PTPRT: variants seen among roughly 807,000 people sequenced by gnomAD.
PTPRT encodes the protein protein tyrosine phosphatase receptor type T, also known as receptor-type tyrosine-protein phosphatase T.
In PTPRT, 56 loss-of-function variants were observed where a neutral mutation model predicts 176.8. That is an observed-to-expected ratio of 0.32 (90% CI 0.26 to 0.40). The LOEUF (loss-of-function observed/expected upper bound fraction) is 0.40, where lower values mean the gene tolerates loss of function less well. PTPRT is among the 10% of genes least tolerant of loss of function. The pLI is 1.00. For synonymous variants in PTPRT, 783 were observed against 739.0 expected, an observed-to-expected ratio of 1.06 and a Z score of -0.96; for missense variants, 1,540 against 1,908.2, an observed-to-expected ratio of 0.81 and a Z score of 3.60.
intron 6 of PTPRT, among the ~76,000 whole-genome samples, chr20:42,731,435 C>T (rs997457367): frequency 1.9e-4 from 29 of 152,264 alleles, no homozygotes; most frequent in Admixed American, 1.9e-3. Flanking sequence ...TTCTCTTTCA[C>T]AAACACAGGC....
At chr20:42,689,819 G>A (rs923019004) in intron 6 of PTPRT, among the ~76,000 whole-genome samples, 12 of 152,230 alleles carry the variant, frequency 7.9e-5, no homozygotes, top group African/African-American at 2.6e-4. Flanking sequence ...AGCTGGTGAC[G>A]TCTAGAATCT....
intron 7 of PTPRT, among the ~76,000 whole-genome samples, chr20:42,571,460 T>C (rs1045431227): frequency 6.6e-6 from 1 of 152,194 alleles, no homozygotes; most frequent in African/African-American, 2.4e-5. Flanking sequence ...TTTAGCCCAG[T>C]AGGATGCATT....
chr20:42,527,628 A>C (rs534647526), intron 7 of PTPRT, among the ~76,000 whole-genome samples: 2 of 152,226 alleles, frequency 1.3e-5, no homozygotes, highest in African/African-American at 4.8e-5. Context: ...GGTCTTTGCT[A>C]TCTCAAAATC....
chr20:42,442,259 T>G (rs2059323126), intron 9 of PTPRT, among the ~76,000 whole-genome samples: 1 of 152,206 alleles, frequency 6.6e-6, no homozygotes, highest in Non-Finnish European at 1.5e-5. Context: ...CGCTCCAGCC[T>G]CCTTGTAATG....
At chr20:42,115,623 G>A (rs1223824544) in intron 21 of PTPRT, among the ~76,000 whole-genome samples, 4 of 152,174 alleles carry the variant, frequency 2.6e-5, no homozygotes, top group African/African-American at 9.6e-5. Flanking sequence ...GAGATAGGTG[G>A]GTGTTATTGT....
intron 17 of PTPRT, among the ~76,000 whole-genome samples, chr20:42,156,107 C>T (rs56061038): frequency 0.14 from 21,073 of 152,172 alleles, 3,759 homozygotes; most frequent in African/African-American, 0.42. Flanking sequence ...CTGCCTGGAA[C>T]GCCCTTCCCT....
intron 11 of PTPRT, among the ~76,000 whole-genome samples, chr20:42,328,455 C>G (rs934694683): frequency 1.3e-5 from 2 of 151,958 alleles, no homozygotes; most frequent in Admixed American, 6.6e-5. Context: ...TAAATTGGTG[C>G]TCCATAAGTG....
intron 6 of PTPRT, among the ~76,000 whole-genome samples, chr20:42,709,874 A>G (rs1054056206): frequency 2.6e-5 from 4 of 152,228 alleles, no homozygotes; most frequent in Admixed American, 6.5e-5. Context: ...TGAAGGATTT[A>G]TTAGGGACTA....
At chr20:42,136,291 T>C (rs1243143271) in intron 18 of PTPRT, among the ~76,000 whole-genome samples, 1 of 141,524 alleles carries the variant, frequency 7.1e-6, no homozygotes, top group Non-Finnish European at 1.5e-5. Context: ...TACAATGAAT[T>C]GTGGAGCTGA....
chr20:42,778,647 G>A (rs6093732), intron 4 of PTPRT, among the ~76,000 whole-genome samples: 25,973 of 152,152 alleles, frequency 0.17, 2,454 homozygotes, highest in Non-Finnish European at 0.2. Context: ...TGGACCACAG[G>A]TAGCACAGAC....
At chr20:42,484,390 G>A (rs2145344980) in intron 7 of PTPRT, among the ~76,000 whole-genome samples, 1 of 152,290 alleles carries the variant, frequency 6.6e-6, no homozygotes, top group East Asian at 1.9e-4. Flanking sequence ...CTAAAAGGAT[G>A]CATGTATCTG....
rs541187520 is a variant in PTPRT, at chr20:42,567,993, G to A, written c.1154-95431C>T. Among the ~76,000 whole-genome samples, 11 of 149,864 alleles carry A rather than the reference G, an allele frequency of 7.3e-5. No homozygotes were observed. The South Asian group carries it at 8.5e-4, about 12-fold the overall frequency. On this transcript the variant is annotated intron_variant, in intron 7 of 30. Transcript: ENST00000373187. ...TTTTGCTTTTTTTTTTTTTGGAGAC[G>A]GAGTCTTGCTCTGTCACCCAGGCTG...
chr20:42,197,151 G>A (rs1489229853), intron 16 of PTPRT, among the ~76,000 whole-genome samples: 5 of 151,974 alleles, frequency 3.3e-5, no homozygotes, highest in East Asian at 1.9e-4. Context: ...AGGCCGAGGC[G>A]GGCGGATTAC....
chr20:43,111,150 C>G (rs1163459814), intron 1 of PTPRT, among the ~76,000 whole-genome samples: 1 of 152,132 alleles, frequency 6.6e-6, no homozygotes, highest in Non-Finnish European at 1.5e-5. Context: ...TGGCAGGCAC[C>G]TGAGACCCTC....
At chr20:42,846,042 G>T (rs1314773216) in intron 2 of PTPRT, among the ~76,000 whole-genome samples, 1 of 152,138 alleles carries the variant, frequency 6.6e-6, no homozygotes. Flanking sequence ...CAAGGCAGCT[G>T]AGGGCCTCAA....
chr20:42,696,768 G>C (rs140100371), intron 6 of PTPRT, among the ~76,000 whole-genome samples: 1 of 152,148 alleles, frequency 6.6e-6, no homozygotes, highest in African/African-American at 2.4e-5. Flanking sequence ...AATGATCTTT[G>C]AAGTGAGTCT....
chr20:42,374,434 ACC>A (rs2058626724), intron 9 of PTPRT, among the ~76,000 whole-genome samples: 1 of 151,086 alleles, frequency 6.6e-6, no homozygotes, highest in Non-Finnish European at 1.5e-5. Flanking sequence ...ACCTTAATAA[ACC>A]CAGTGATAGA....
chr20:42,624,103 G>A (rs2074250465), intron 7 of PTPRT, among the ~76,000 whole-genome samples: 2 of 152,040 alleles, frequency 1.3e-5, no homozygotes, highest in Admixed American at 6.5e-5. Flanking sequence ...ACTGTCCTAG[G>A]TGCTGGGGTG....
At chr20:42,237,396 T>C (rs1025420052) in intron 14 of PTPRT, among the ~76,000 whole-genome samples, 1 of 152,134 alleles carries the variant, frequency 6.6e-6, no homozygotes, top group Admixed American at 6.5e-5. Flanking sequence ...CATCTGTCCC[T>C]TAGGTCCATT....
Sources: gnomAD v4.1 joint callset for allele counts (sites outside exome capture counted in the v4.1 genomes callset) on GRCh38, gnomAD v4.1.1 for gene constraint, MANE v1.5 for transcripts, NCBI Gene and HGNC (gene_info 2026-07-23, HGNC 2026-07-21) for gene names.